IL1RAPL2: variants seen among roughly 807,000 people sequenced by gnomAD.
The protein encoded by IL1RAPL2 is interleukin 1 receptor accessory protein like 2, also known as X-linked interleukin-1 receptor accessory protein-like 2.
Under a neutral mutation model 44.1 loss-of-function variants are expected in IL1RAPL2, and 3 were observed. The observed-to-expected ratio is 0.07, with a 90% CI of 0.03 to 0.18. The LOEUF (loss-of-function observed/expected upper bound fraction) is 0.18. Among genes scored for constraint, IL1RAPL2 ranks in the 10% least tolerant of loss-of-function variants. The probability of loss-of-function intolerance (pLI) is 1.00; values close to 1 mark genes in which losing one functional copy is unlikely to be tolerated. For synonymous variants in IL1RAPL2, 181 were observed against 178.8 expected (o/e 1.01, Z -0.10); for missense variants, 391 against 496.4 (o/e 0.79, Z 2.02).
At chrX:104,627,002 A>G (rs1010540634) in intron 1 of IL1RAPL2, among the ~76,000 whole-genome samples, 3 of 108,874 alleles carry the variant, frequency 2.8e-5, no homozygotes, top group Non-Finnish European at 5.7e-5. Flanking sequence ...TATTTTTAGT[A>G]GAGACGTGGT....
intron 6 of IL1RAPL2, among the ~76,000 whole-genome samples, chrX:105,575,770 A>G (rs1374647678): frequency 1.8e-5 from 2 of 112,425 alleles, no homozygotes; most frequent in East Asian, 5.6e-4. Context: ...CAATGACTGA[A>G]CTAATTTACA....
intron 5 of IL1RAPL2, among the ~76,000 whole-genome samples, chrX:105,386,672 A>T (rs1295162337): frequency 8.9e-6 from 1 of 111,928 alleles, no homozygotes; most frequent in Non-Finnish European, 1.9e-5. Context: ...TATTATAGAA[A>T]AGTCCTACCC....
chrX:105,144,751 C>T (rs1156241664), intron 2 of IL1RAPL2, among the ~76,000 whole-genome samples: 1 of 111,594 alleles, frequency 9.0e-6, no homozygotes, highest in African/African-American at 3.3e-5. Context: ...TCCCCAATGC[C>T]TGCCAATTTT....
At chrX:105,560,541 C>T (rs1456193345) in intron 6 of IL1RAPL2, among the ~76,000 whole-genome samples, 1 of 110,991 alleles carries the variant, frequency 9.0e-6, no homozygotes, top group African/African-American at 3.3e-5. Flanking sequence ...GACTCAGACT[C>T]CTGAGTAGCT....
At chrX:105,130,456 T>C (rs2033016384) in intron 2 of IL1RAPL2, among the ~76,000 whole-genome samples, 1 of 111,301 alleles carries the variant, frequency 9.0e-6, no homozygotes, top group East Asian at 2.8e-4. Context: ...GGTGACCTTA[T>C]TATCCTGCTG....
At chrX:105,184,650 C>T (rs946612285) in intron 2 of IL1RAPL2, among the ~76,000 whole-genome samples, 2 of 109,109 alleles carry the variant, frequency 1.8e-5, no homozygotes, top group East Asian at 5.7e-4. Context: ...TTACTGTATA[C>T]TATACATGTA....
intron 6 of IL1RAPL2, among the ~76,000 whole-genome samples, chrX:105,655,202 C>A (rs2037669299): frequency 8.9e-6 from 1 of 112,218 alleles, no homozygotes; most frequent in African/African-American, 3.2e-5. Context: ...CCAAGTATCA[C>A]TTTTCTGTGC....
At chrX:104,572,040 C>A in intron 1 of IL1RAPL2, among the ~76,000 whole-genome samples, 1 of 112,180 alleles carries the variant, frequency 8.9e-6, no homozygotes, top group Non-Finnish European at 1.9e-5. Flanking sequence ...TCATCTAGAT[C>A]ATTGTATTAT....
intron 1 of IL1RAPL2, among the ~76,000 whole-genome samples, chrX:104,633,162 G>C (rs1929695374): frequency 1.8e-5 from 2 of 111,593 alleles, no homozygotes; most frequent in African/African-American, 6.5e-5. Context: ...TGCATATGTT[G>C]AACCAGCCTT....
chrX:104,683,293 A>T (rs781138453), intron 2 of IL1RAPL2, among the ~76,000 whole-genome samples: 1 of 111,753 alleles, frequency 8.9e-6, no homozygotes, highest in Non-Finnish European at 1.9e-5. Context: ...AGTCCTGGGA[A>T]TATCACTCTA....
intron 5 of IL1RAPL2, among the ~76,000 whole-genome samples, chrX:105,276,502 A>G (rs188574182): frequency 6.0e-4 from 68 of 112,639 alleles, no homozygotes; most frequent in African/African-American, 2.1e-3. Context: ...TGAAGCAACA[A>G]CTGAAGGAAA....
At chrX:104,578,894 CAACTT>C (rs1437446101) in intron 1 of IL1RAPL2, among the ~76,000 whole-genome samples, 1 of 111,364 alleles carries the variant, frequency 9.0e-6, no homozygotes, top group Non-Finnish European at 1.9e-5. Context: ...ATTTGGCTCA[CAACTT>C]AATATTCATA....
chrX:104,647,879 C>T (rs375930302), intron 1 of IL1RAPL2: 29 of 625,035 alleles, frequency 4.6e-5, no homozygotes, highest in East Asian at 1.6e-4. Context: ...TCCACAGAAT[C>T]GGTCAAAGAT....
chrX:105,244,038 A>C (rs1253586685), intron 4 of IL1RAPL2, among the ~76,000 whole-genome samples: 1 of 111,510 alleles, frequency 9.0e-6, no homozygotes, highest in African/African-American at 3.3e-5. Flanking sequence ...TCCCTAGGTG[A>C]GACTAATTTG....
rs781157400 is a variant in IL1RAPL2 at position 104,697,404 on chromosome X, A to G, written c.82+38409A>G. ...CATGGTCTGTTGAACTGAACTTGTG[A>G]CTTCAAGTGGTTCACTGAACTGAGA... On this transcript the variant is annotated intron_variant, in intron 2 of 10. Coordinates refer to ENST00000372582, the MANE Select transcript of IL1RAPL2 (RefSeq NM_017416.2). Among the ~76,000 whole-genome samples the G allele has an allele frequency of 8.9e-5, 10 of 112,678 alleles. No individual in the cohort carries two copies. In the South Asian group the frequency reaches 3.6e-3, roughly 41 times the overall value.
At chrX:105,006,214 G>A (rs1167777786) in intron 2 of IL1RAPL2, among the ~76,000 whole-genome samples, 2 of 110,062 alleles carry the variant, frequency 1.8e-5, no homozygotes, top group Non-Finnish European at 3.8e-5. Flanking sequence ...CCCTCCTCGT[G>A]GGTATTTGTG....
intron 1 of IL1RAPL2, among the ~76,000 whole-genome samples, chrX:104,610,816 G>A (rs761747603): frequency 9.0e-6 from 1 of 111,574 alleles, no homozygotes; most frequent in African/African-American, 3.3e-5. Context: ...AGCCCGCATC[G>A]CCAAGTCAAT....
At chrX:105,708,244 A>G (rs1383669376) in intron 6 of IL1RAPL2, among the ~76,000 whole-genome samples, 6 of 111,582 alleles carry the variant, frequency 5.4e-5, no homozygotes, top group African/African-American at 2.0e-4. Flanking sequence ...AGACTTATCA[A>G]AGTGAATGGG....
At chrX:104,781,841 C>G in intron 2 of IL1RAPL2, among the ~76,000 whole-genome samples, 1 of 111,343 alleles carries the variant, frequency 9.0e-6, no homozygotes, top group East Asian at 2.8e-4. Context: ...GGTTTTCCCC[C>G]GAAATTCACA....
Sources: gnomAD v4.1 joint callset for allele counts (sites outside exome capture counted in the v4.1 genomes callset) on GRCh38, gnomAD v4.1.1 for gene constraint, MANE v1.5 for transcripts, NCBI Gene and HGNC (gene_info 2026-07-23, HGNC 2026-07-21) for gene names.